Variants in FNBP1 observed in about 807,000 individuals in gnomAD.
The protein encoded by FNBP1 is formin binding protein 1.
FNBP1 carries 26 observed loss-of-function variants against 90.6 expected under a neutral mutation model. That is an observed-to-expected ratio of 0.29 (90% CI 0.21 to 0.40). FNBP1 has a LOEUF of 0.40. Among genes scored for constraint, FNBP1 ranks in the 10% least tolerant of loss-of-function variants. FNBP1 has a pLI of 1.00. For synonymous variants in FNBP1, 260 were observed against 265.2 expected (o/e 0.98, Z 0.19); for missense variants, 635 against 768.0 (o/e 0.83, Z 2.05).
intron 15 of FNBP1, among the ~76,000 whole-genome samples, chr9:129,897,722 T>C (rs1414729233): frequency 2.0e-5 from 3 of 151,122 alleles, no homozygotes; most frequent in African/African-American, 7.3e-5. Context: ...GGATTACAGG[T>C]GTGAGCCACT....
At chr9:129,917,861 A>G (rs1320045594) in intron 10 of FNBP1, among the ~76,000 whole-genome samples, 1 of 152,180 alleles carries the variant, frequency 6.6e-6, no homozygotes, top group Non-Finnish European at 1.5e-5. Context: ...TTGAGCATAG[A>G]TCTACTTATC....
Position 129,896,060 on chromosome 9 carries a change from G to C in FNBP1, c.1688-64C>G, listed in dbSNP as rs919781444. 116 of 1,491,244 alleles carry C rather than the reference G, an allele frequency of 7.8e-5. No individual in the cohort carries two copies. In the African/African-American group the frequency reaches 1.4e-3, roughly 18 times the overall value. 92.4% of individuals were successfully genotyped at this position (1,491,244 alleles called of 1,614,324 possible). On this transcript the variant is annotated intron_variant, in intron 15 of 16. Transcript: ENST00000446176. Reference sequence around the variant, plus strand: ...AAATGCAGGGAGGAAGCAAACAGTGGCCTTCGCAATGAAACAAGTGTCGTC... The same window carrying C: ...AAATGCAGGGAGGAAGCAAACAGTGCCCTTCGCAATGAAACAAGTGTCGTC...
At chr9:129,924,104 A>G in intron 9 of FNBP1, 78 bp from the exon 10 acceptor site, 2 of 1,386,580 alleles carry the variant, frequency 1.4e-6, no homozygotes, top group Non-Finnish European at 1.9e-6. Flanking sequence ...GCATCAAATA[A>G]TATTTGAAAT....
rs1334839718 is a variant in FNBP1 at position 129,887,856 on chromosome 9, C to T, written c.*2683G>A. 1 of 230,810 alleles carries T rather than the reference C, an allele frequency of 4.3e-6. No homozygotes were observed. The highest frequency in any genetic ancestry group is 8.6e-6 in the Non-Finnish European group (1 of 116,648). 14.3% of individuals were successfully genotyped at this position (230,810 alleles called of 1,614,324 possible). On this transcript the variant is annotated 3_prime_UTR_variant, in exon 17 of 17. Coordinates refer to ENST00000446176, the MANE Select transcript of FNBP1 (RefSeq NM_015033.3). ...CGGCAGATACGGGGGAGGAAGGAGA[C>T]GTTCACGGGAAATTCCACATTCTAC... is the stretch of plus-strand genomic sequence containing the variant.
chr9:129,941,006 A>G (rs1036761039), intron 6 of FNBP1, among the ~76,000 whole-genome samples: 1 of 152,230 alleles, frequency 6.6e-6, no homozygotes, highest in African/African-American at 2.4e-5. Flanking sequence ...GCTTTGAAAC[A>G]TCATATTGAT....
intron 4 of FNBP1, among the ~76,000 whole-genome samples, chr9:129,964,031 G>A (rs754085089): frequency 6.6e-6 from 1 of 152,166 alleles, no homozygotes; most frequent in Non-Finnish European, 1.5e-5. Context: ...GCCCTCCTTT[G>A]TGCTCTGTGC....
chr9:130,016,659 C>T (rs563382871), intron 1 of FNBP1, among the ~76,000 whole-genome samples: 99 of 152,270 alleles, frequency 6.5e-4, no homozygotes, highest in Middle Eastern at 3.4e-3. Context: ...AGGAGAATCG[C>T]TTGAACCTGG....
At chr9:129,908,586 T>C (rs994714954) in intron 12 of FNBP1, among the ~76,000 whole-genome samples, 1 of 152,070 alleles carries the variant, frequency 6.6e-6, no homozygotes, top group East Asian at 1.9e-4. Context: ...AGAGGCTTGC[T>C]CTGTTGCCCA....
chr9:129,955,135 A>G (rs2046731085), intron 6 of FNBP1, among the ~76,000 whole-genome samples: 1 of 152,334 alleles, frequency 6.6e-6, no homozygotes, highest in East Asian at 1.9e-4. Context: ...AAAATTAACA[A>G]AAGGCATGAA....
upstream of FNBP1, among the ~76,000 whole-genome samples, chr9:130,048,132 C>A (rs1226772071): frequency 2.0e-5 from 3 of 148,538 alleles, no homozygotes; most frequent in African/African-American, 7.4e-5. Context: ...CCAGCCTGGG[C>A]AACATGGCAA....
intron 10 of FNBP1, among the ~76,000 whole-genome samples, chr9:129,917,103 C>T (rs1378801423): frequency 6.6e-6 from 1 of 152,080 alleles, no homozygotes; most frequent in Non-Finnish European, 1.5e-5. Flanking sequence ...ACCTCCGCCT[C>T]CCAGGTTCAA....
chr9:129,995,661 G>A (rs1378195006), intron 1 of FNBP1, among the ~76,000 whole-genome samples: 3 of 152,172 alleles, frequency 2.0e-5, no homozygotes, highest in Non-Finnish European at 4.4e-5. Context: ...ATAAGAGCAT[G>A]ACTCTGTCCC....
chr9:129,891,619 C>T (rs1297049657), intron 16 of FNBP1, among the ~76,000 whole-genome samples: 3 of 152,012 alleles, frequency 2.0e-5, no homozygotes, highest in South Asian at 4.1e-4. Flanking sequence ...GTATTCATTC[C>T]GCAATAAACC....
At chr9:129,895,471 T>C (rs1588336490) in intron 16 of FNBP1, 1 of 1,144,710 alleles carries the variant, frequency 8.7e-7, no homozygotes, top group East Asian at 4.1e-5. Flanking sequence ...GGCACCTGCA[T>C]GATGCGTGCC....
intron 12 of FNBP1, 85 bp from the exon 13 acceptor site, chr9:129,903,086 G>A (rs1161610891): frequency 2.3e-5 from 31 of 1,331,462 alleles, no homozygotes; most frequent in East Asian, 1.5e-4. Context: ...AGGCTGGAGT[G>A]CAATGGTGCG....
At chr9:129,897,510 G>A (rs1298236260) in intron 15 of FNBP1, among the ~76,000 whole-genome samples, 1 of 151,878 alleles carries the variant, frequency 6.6e-6, no homozygotes, top group African/African-American at 2.4e-5. Flanking sequence ...TTTATCCCAG[G>A]GCTTCCCAAA....
chr9:129,899,797 AGGAAGGGGAAGG>A (rs149093701), intron 15 of FNBP1, among the ~76,000 whole-genome samples, 156 bp downstream of exon 15: 5,809 of 133,512 alleles, frequency 0.044, 227 homozygotes, highest in African/African-American at 0.1. Flanking sequence ...AAGGGAAGGA[AGGAAGGGGAAGG>A]GGAAGGGGAA....
intron 6 of FNBP1, among the ~76,000 whole-genome samples, chr9:129,938,926 C>T (rs943489371): frequency 7.2e-5 from 11 of 152,050 alleles, no homozygotes; most frequent in East Asian, 5.8e-4. Context: ...TGGTTTCTCA[C>T]GCATGGTCAT....
chr9:130,035,386 C>T (rs1483005340), intron 1 of FNBP1, among the ~76,000 whole-genome samples: 1 of 152,164 alleles, frequency 6.6e-6, no homozygotes, highest in Admixed American at 6.5e-5. Context: ...TGGAGCTCCC[C>T]ATTGGCCTGG....
Sources: allele counts gnomAD v4.1 joint callset (sites outside exome capture counted in the v4.1 genomes callset), GRCh38; gene constraint gnomAD v4.1.1; transcripts MANE v1.5; gene names NCBI Gene and HGNC (gene_info 2026-07-23, HGNC 2026-07-21).